TEK: variants seen among roughly 807,000 people sequenced by gnomAD.
The protein encoded by TEK is angiopoietin-1 receptor.
A neutral mutation model predicts 131.8 loss-of-function variants in TEK; 43 were observed. That is an observed-to-expected ratio of 0.33 (90% CI 0.26 to 0.42). The LOEUF (loss-of-function observed/expected upper bound fraction) is 0.42, where lower values mean the gene tolerates loss of function less well. TEK is among the 10% of genes least tolerant of loss of function. TEK has a pLI of 1.00. For missense variants in TEK, 1,162 were observed against 1,384.4 expected (o/e 0.84, Z 2.55); for synonymous variants, 580 against 491.6 (o/e 1.18, Z -2.38).
intron 17 of TEK, 125 bp downstream of exon 17, chr9:27,213,022 T>A: frequency 9.4e-7 from 1 of 1,061,444 alleles, no homozygotes; most frequent in Non-Finnish European, 1.4e-6. Context: ...TCCCTCATTT[T>A]AATCTCTCTG....
rs374793006 is a variant in TEK at position 27,203,219 on chromosome 9, C to T, written c.2209+100C>T. Reference sequence around the variant, plus strand: ...TGTGAGATGAAAGCCTATGAAAAGTCGGTGGTTGAATGGACAGGCATTTAC... The same window carrying T: ...TGTGAGATGAAAGCCTATGAAAAGTTGGTGGTTGAATGGACAGGCATTTAC... On this transcript the variant is annotated intron_variant, in intron 13 of 22. Transcript: ENST00000380036. 62 of 1,379,166 alleles carry T rather than the reference C, an allele frequency of 4.5e-5. No individual in the cohort carries two copies. The African/African-American group carries it at 5.5e-4, about 12-fold the overall frequency. The allele number at this position is 1,379,166 out of a possible 1,614,324, so 85.4% of individuals were successfully genotyped here. A position where few individuals can be genotyped will look rare whatever the true frequency, so the allele number is the denominator to read the frequency against.
chr9:27,141,827 A>C (rs1347819456), intron 1 of TEK, among the ~76,000 whole-genome samples: 1 of 152,190 alleles, frequency 6.6e-6, no homozygotes, highest in African/African-American at 2.4e-5. Context: ...TGTGTTTTAA[A>C]ATCCTTTGTT....
At chr9:27,118,054 G>A (rs755532385) in intron 1 of TEK, among the ~76,000 whole-genome samples, 19 of 152,154 alleles carry the variant, frequency 1.2e-4, no homozygotes, top group Non-Finnish European at 2.4e-4. Context: ...TGTGCAAGGC[G>A]TCTGGCTGCA....
intron 21 of TEK, among the ~76,000 whole-genome samples, chr9:27,226,512 A>G (rs1826333401): frequency 6.6e-6 from 1 of 152,134 alleles, no homozygotes; most frequent in Non-Finnish European, 1.5e-5. Flanking sequence ...GTTCTCACTC[A>G]TAAGTTGGAG....
At chr9:27,148,365 G>C (rs1311973440) in intron 1 of TEK, among the ~76,000 whole-genome samples, 3 of 152,218 alleles carry the variant, frequency 2.0e-5, no homozygotes, top group Non-Finnish European at 4.4e-5. Context: ...ATCAGCTTTT[G>C]ATGAGTAACA....
rs758802336 is a variant in TEK, at chr9:27,202,942, G to A, written c.2032G>A (p.Gly678Ser). ...TATTACTATCCGTTACAAGGTTCAAGGCAAGAATGAAGACCAGCACGTTGA... is the reference window on the plus strand; with the variant it reads ...TATTACTATCCGTTACAAGGTTCAAAGCAAGAATGAAGACCAGCACGTTGA... ...SSITIRYKVQ[G>S]KNEDQHVDVK... The change falls in exon 13 of 23, where the codon GGC becomes AGC. Residue 678 changes from glycine to serine, a missense_variant. Gly to Ser is a moderately conservative substitution (Grantham distance 56). Transcript: ENST00000380036. The A allele has an allele frequency of 1.9e-5, 30 of 1,614,008 alleles. No homozygotes were observed. Among genetic ancestry groups the A allele is most frequent in the Middle Eastern group, 1.6e-4 (1 of 6,084 alleles).
intron 11 of TEK, among the ~76,000 whole-genome samples, chr9:27,196,846 A>C (rs1825038997): frequency 7.0e-6 from 1 of 143,276 alleles, no homozygotes; most frequent in African/African-American, 2.6e-5. Flanking sequence ...TTTCTGACAA[A>C]GCTCCTGTTT....
chr9:27,223,076 C>A (rs553764936), intron 21 of TEK, among the ~76,000 whole-genome samples: 1 of 152,302 alleles, frequency 6.6e-6, no homozygotes, highest in African/African-American at 2.4e-5. Flanking sequence ...AGCTAACTAA[C>A]TATCTTAAAT....
intron 1 of TEK, among the ~76,000 whole-genome samples, chr9:27,140,738 CTA>C: frequency 6.6e-6 from 1 of 152,228 alleles, no homozygotes; most frequent in South Asian, 2.1e-4. Context: ...TCTTCTAAAA[CTA>C]TTATGTTTTC....
intron 6 of TEK, among the ~76,000 whole-genome samples, chr9:27,178,951 T>C (rs1326707398): frequency 6.6e-6 from 1 of 152,236 alleles, no homozygotes; most frequent in African/African-American, 2.4e-5. Flanking sequence ...GTTTACTTTA[T>C]ATTTATTCTG....
chr9:27,161,140 T>TC (rs1306754169), intron 2 of TEK, among the ~76,000 whole-genome samples: 1 of 152,022 alleles, frequency 6.6e-6, no homozygotes, highest in African/African-American at 2.4e-5. Context: ...GCTGTAATGA[T>TC]CCCCCCAAAC....
At position 27,117,887 on chromosome 9, in the gene TEK, G is replaced by C. The variant is rs546352903; in HGVS notation, c.52+8245G>C. ...TTAAAGGGTGATATCATGCTTCCTGGGGGGAGCACTGGAAGACAATGCTCG... is the reference window on the plus strand; with the variant it reads ...TTAAAGGGTGATATCATGCTTCCTGCGGGGAGCACTGGAAGACAATGCTCG... On this transcript the variant is annotated intron_variant, in intron 1 of 22. Coordinates refer to ENST00000380036, the MANE Select transcript of TEK (RefSeq NM_000459.5). 2.3e-4 allele frequency among the ~76,000 whole-genome samples: 35 copies of C among 152,250 alleles called. No homozygotes were observed. The Middle Eastern group carries it at 0.01, about 44-fold the overall frequency.
intron 2 of TEK, 81 bp downstream of exon 2, chr9:27,158,223 G>A: frequency 3.3e-6 from 5 of 1,527,326 alleles, no homozygotes; most frequent in Non-Finnish European, 4.5e-6. Flanking sequence ...GCTCCCTCAG[G>A]GGCAGGGCAT....
In TEK at chr9:27,221,179, C is replaced by A. The variant is rs570786262; in HGVS notation, c.3200+1034C>A. Among the ~76,000 whole-genome samples the A allele has an allele frequency of 4.6e-5, 7 of 152,326 alleles. No homozygotes were observed. The South Asian group carries it at 1.5e-3, about 32-fold the overall frequency. On this transcript the variant is annotated intron_variant, in intron 21 of 22. Transcript: ENST00000380036. ...GGAAGTTCGAACTGGGTGGAGCCCA[C>A]CGCCGCTCCTCAAAGCCACTATAGC...
intron 21 of TEK, among the ~76,000 whole-genome samples, chr9:27,225,389 G>GAT (rs1374897904): frequency 1.3e-5 from 2 of 152,112 alleles, no homozygotes; most frequent in African/African-American, 4.8e-5. Flanking sequence ...TACTAAAACA[G>GAT]ATATATAGAC....
chr9:27,124,371 G>C (rs1358279808), intron 1 of TEK, among the ~76,000 whole-genome samples: 2 of 152,228 alleles, frequency 1.3e-5, no homozygotes, highest in Non-Finnish European at 2.9e-5. Context: ...GGGTTTCCTG[G>C]ATGACTCTGC....
At chr9:27,117,214 C>G (rs1821606295) in intron 1 of TEK, among the ~76,000 whole-genome samples, 1 of 152,118 alleles carries the variant, frequency 6.6e-6, no homozygotes, top group African/African-American at 2.4e-5. Flanking sequence ...GAGTAACAGC[C>G]TCCGGGCCTG....
chr9:27,207,485 T>A (rs947164077), intron 15 of TEK, among the ~76,000 whole-genome samples: 3 of 152,218 alleles, frequency 2.0e-5, no homozygotes, highest in African/African-American at 7.2e-5. Context: ...GCTTTGTTCA[T>A]CTCAAGACTG....
intron 1 of TEK, among the ~76,000 whole-genome samples, chr9:27,113,043 C>T (rs1821406153): frequency 6.6e-6 from 1 of 152,180 alleles, no homozygotes; most frequent in Admixed American, 6.5e-5. Context: ...TCACTGAAAT[C>T]TACTGCTAAG....
Sources: allele counts gnomAD v4.1 joint callset (sites outside exome capture counted in the v4.1 genomes callset), GRCh38; gene constraint gnomAD v4.1.1; transcripts MANE v1.5; gene names NCBI Gene and HGNC (gene_info 2026-07-23, HGNC 2026-07-21).